Variants in COL8A1 observed in about 807,000 individuals in gnomAD.
COL8A1 encodes collagen alpha-1(VIII) chain.
COL8A1 carries 21 observed loss-of-function variants against 42.7 expected under a neutral mutation model. The ratio of observed to expected loss-of-function variants is 0.49; its 90% CI spans 0.35 to 0.71. The LOEUF is 0.71. Ranked by LOEUF, COL8A1 falls within the 30% of genes least tolerant of loss-of-function variation. The probability of loss-of-function intolerance (pLI) is 0.01; values close to 1 mark genes in which losing one functional copy is unlikely to be tolerated. For synonymous variants in COL8A1, 367 were observed against 369.1 expected (o/e 0.99, Z 0.06); for missense variants, 788 against 962.4 (o/e 0.82, Z 2.40).
At chr3:99,785,476 TAAC>T (rs1941876337) in intron 2 of COL8A1, among the ~76,000 whole-genome samples, 2 of 152,116 alleles carry the variant, frequency 1.3e-5, no homozygotes, top group South Asian at 4.1e-4. Context: ...TTTAGGAGAA[TAAC>T]AATGATGGAG....
At chr3:99,725,068 C>A (rs1940265441) in intron 1 of COL8A1, among the ~76,000 whole-genome samples, 1 of 151,986 alleles carries the variant, frequency 6.6e-6, no homozygotes, top group South Asian at 2.1e-4. Context: ...TGTAAGACAT[C>A]CTCAATAAAC....
intron 2 of COL8A1, among the ~76,000 whole-genome samples, chr3:99,763,649 T>A (rs886943871): frequency 6.6e-6 from 1 of 152,026 alleles, no homozygotes; most frequent in Non-Finnish European, 1.5e-5. Flanking sequence ...AAACTTTCCC[T>A]AAAGTCATGT....
At chr3:99,729,132 G>A (rs1194165741) in intron 1 of COL8A1, among the ~76,000 whole-genome samples, 2 of 152,010 alleles carry the variant, frequency 1.3e-5, no homozygotes, top group Admixed American at 1.3e-4. Context: ...TCAGAAGGAT[G>A]CACTAGAATG....
intron 1 of COL8A1, among the ~76,000 whole-genome samples, chr3:99,713,627 T>G (rs1046824096): frequency 1.3e-5 from 2 of 152,058 alleles, no homozygotes; most frequent in African/African-American, 4.8e-5. Flanking sequence ...TCCTGGGCAT[T>G]GGGCAACCTC....
Position 99,795,586 on chromosome 3 carries a change from C to T in COL8A1, c.1685C>T (p.Pro562Leu). ...PQGQPGLPGP[P>L]GPPGPPGPPA... ...GGCCAGCCTGGCCTTCCAGGACCCC[C>T]AGGCCCTCCAGGACCTCCAGGACCC... The change falls in exon 4 of 4, where the codon CCA becomes CTA. Residue 562 changes from proline to leucine, a missense_variant. Pro to Leu is a moderately conservative substitution (Grantham distance 98, BLOSUM62 -3). Transcript: ENST00000652472. 6.2e-7 allele frequency: 1 copy of T among 1,611,136 alleles called. No individual in the cohort carries two copies. The highest frequency in any genetic ancestry group is 2.2e-5 in the East Asian group (1 of 44,790).
chr3:99,683,455 A>ACTT lies in COL8A1; in HGVS notation c.-129+44792_-129+44794dup, dbSNP rs1215862547. 2.0e-5 allele frequency among the ~76,000 whole-genome samples: 3 copies of ACTT among 152,236 alleles called. No individual in the cohort carries two copies. The East Asian group carries it at 5.8e-4, about 29-fold the overall frequency. ...TAAGACGTATTTCATTGAAAATAAG[A>ACTT]CTTTTCATTGAAAATGGAAATAAGT... On this transcript the variant is annotated intron_variant, in intron 1 of 3. Transcript: ENST00000652472.
intron 1 of COL8A1, chr3:99,703,710 G>A (rs1939605807): frequency 6.6e-6 from 1 of 152,298 alleles, no homozygotes; most frequent in South Asian, 2.1e-4. Flanking sequence ...TACTGGAAGA[G>A]GGCCTTGCAC....
intron 2 of COL8A1, among the ~76,000 whole-genome samples, chr3:99,783,922 A>G (rs929550766): frequency 7.2e-5 from 11 of 152,202 alleles, no homozygotes; most frequent in African/African-American, 2.7e-4. Context: ...CCACAGAGCC[A>G]AACTATATCA....
intron 2 of COL8A1, among the ~76,000 whole-genome samples, chr3:99,766,078 A>G (rs564372706): frequency 3.3e-5 from 5 of 152,344 alleles, no homozygotes; most frequent in East Asian, 1.9e-4. Context: ...TTAATATCCT[A>G]TTGGATCCTG....
At chr3:99,657,513 T>A (rs913388779) in intron 1 of COL8A1, among the ~76,000 whole-genome samples, 2 of 152,202 alleles carry the variant, frequency 1.3e-5, no homozygotes, top group African/African-American at 4.8e-5. Flanking sequence ...CCCAGTTGAA[T>A]AATTTATTTC....
chr3:99,787,207 T>C (rs1941913524), intron 2 of COL8A1, among the ~76,000 whole-genome samples: 1 of 152,186 alleles, frequency 6.6e-6, no homozygotes, highest in Non-Finnish European at 1.5e-5. Flanking sequence ...ATTCTGTTAA[T>C]ATATGTATCA....
intron 2 of COL8A1, among the ~76,000 whole-genome samples, chr3:99,782,457 T>C (rs1941811274): frequency 6.6e-6 from 1 of 152,174 alleles, no homozygotes; most frequent in South Asian, 2.1e-4. Context: ...AGTGGCATCA[T>C]CTCAGCTCAC....
chr3:99,765,691 T>C (rs1941452197), intron 2 of COL8A1, among the ~76,000 whole-genome samples: 1 of 152,212 alleles, frequency 6.6e-6, no homozygotes, highest in South Asian at 2.1e-4. Flanking sequence ...CAGGGATCCC[T>C]GTAACCAGAG....
chr3:99,776,799 T>C (rs1941701615), intron 2 of COL8A1, among the ~76,000 whole-genome samples: 1 of 152,214 alleles, frequency 6.6e-6, no homozygotes, highest in Non-Finnish European at 1.5e-5. Flanking sequence ...GGTGGATTCA[T>C]GAGTTTTCTG....
At chr3:99,710,630 T>G (rs1939807873) in intron 1 of COL8A1, among the ~76,000 whole-genome samples, 1 of 152,208 alleles carries the variant, frequency 6.6e-6, no homozygotes, top group Non-Finnish European at 1.5e-5. Context: ...GCAGCCAGTC[T>G]GTTGGCTGTG....
intron 1 of COL8A1, among the ~76,000 whole-genome samples, chr3:99,740,557 T>A (rs1046234320): frequency 1.3e-5 from 2 of 152,056 alleles, no homozygotes; most frequent in South Asian, 2.1e-4. Context: ...AACCATCAGA[T>A]CCTGTGAGAA....
intron 1 of COL8A1, among the ~76,000 whole-genome samples, chr3:99,738,352 G>T (rs1271377919): frequency 6.6e-6 from 1 of 152,172 alleles, no homozygotes; most frequent in African/African-American, 2.4e-5. Context: ...CCATCTTTGT[G>T]GTTTTATCTG....
chr3:99,716,447 G>C (rs142651263), intron 1 of COL8A1, among the ~76,000 whole-genome samples: 1 of 152,150 alleles, frequency 6.6e-6, no homozygotes, highest in African/African-American at 2.4e-5. Flanking sequence ...TTGACTACCT[G>C]AAGATAATAC....
intron 1 of COL8A1, among the ~76,000 whole-genome samples, chr3:99,676,890 T>C (rs1938713741): frequency 6.6e-6 from 1 of 152,014 alleles, no homozygotes; most frequent in African/African-American, 2.4e-5. Flanking sequence ...AAAATGAAAC[T>C]TTTTGAAAGA....
Sources: gnomAD v4.1 joint callset for allele counts (sites outside exome capture counted in the v4.1 genomes callset) on GRCh38, gnomAD v4.1.1 for gene constraint, MANE v1.5 for transcripts, NCBI Gene and HGNC (gene_info 2026-07-23, HGNC 2026-07-21) for gene names.